The following CHN1 variants were observed in gnomAD, a reference collection of about 807,000 sequenced individuals.
CHN1 encodes N-chimaerin.
A neutral mutation model predicts 59.5 loss-of-function variants in CHN1; 37 were observed. That is an observed-to-expected ratio of 0.62 (90% CI 0.48 to 0.82). The LOEUF is 0.82. CHN1 is among the 40% of genes least tolerant of loss of function. The probability of loss-of-function intolerance (pLI) is 0.00; values close to 1 mark genes in which losing one functional copy is unlikely to be tolerated. For missense variants in CHN1, 469 were observed against 571.0 expected (o/e 0.82, Z 1.82); for synonymous variants, 206 against 200.4 (o/e 1.03, Z -0.24).
intron 2 of CHN1, chr2:174,945,187 C>A (rs1413065549): frequency 1.2e-5 from 6 of 505,418 alleles, no homozygotes; most frequent in Non-Finnish European, 2.2e-5. Flanking sequence ...CAAGTCAGTG[C>A]TGGATATTTG....
At chr2:174,846,441 T>C (rs1574083273) in intron 7 of CHN1, 1 of 1,529,998 alleles carries the variant, frequency 6.5e-7, no homozygotes, top group Non-Finnish European at 8.8e-7. Context: ...ACAGAAACTA[T>C]GAGAAATGCA....
rs138014182 is a variant in CHN1 at position 174,903,263 on chromosome 2, T to C, written c.260+11795A>G. ...ACATGATCTTAAACTACCAATTAGC[T>C]AAAACTAAATACACAAGGTAATGAT... is the stretch of plus-strand genomic sequence containing the variant. On this transcript the variant is annotated intron_variant, in intron 5 of 12. Coordinates refer to ENST00000409900, the MANE Select transcript of CHN1 (RefSeq NM_001822.7). Among the ~76,000 whole-genome samples the C allele has an allele frequency of 4.3e-3, 650 of 152,272 alleles. 2 individuals are homozygous for C. Among genetic ancestry groups the C allele is most frequent in the African/African-American group, 0.015 (616 of 41,562 alleles).
chr2:174,977,283 A>G (rs1690977551), intron 1 of CHN1, among the ~76,000 whole-genome samples: 1 of 152,166 alleles, frequency 6.6e-6, no homozygotes, highest in Non-Finnish European at 1.5e-5. Flanking sequence ...TCATCATCTG[A>G]TAATCTATAT....
At chr2:174,980,445 C>T (rs1691108006) in intron 1 of CHN1, among the ~76,000 whole-genome samples, 1 of 152,064 alleles carries the variant, frequency 6.6e-6, no homozygotes. Context: ...TACCCAGAGT[C>T]CTGTTTATAC....
At chr2:174,847,750 G>T (rs2105437169) in intron 6 of CHN1, 10 of 427,200 alleles carry the variant, frequency 2.3e-5, no homozygotes, top group Non-Finnish European at 4.0e-5. Context: ...TCTCATGTAA[G>T]TAAGTTTCTT....
intron 3 of CHN1, among the ~76,000 whole-genome samples, chr2:174,942,952 G>C (rs977114808): frequency 6.6e-6 from 1 of 151,996 alleles, no homozygotes; most frequent in African/African-American, 2.4e-5. Flanking sequence ...TTGGGAGGCA[G>C]AGGTAGGAGT....
intron 1 of CHN1, among the ~76,000 whole-genome samples, chr2:174,985,443 T>A (rs1559010622): frequency 6.6e-6 from 1 of 152,186 alleles, no homozygotes; most frequent in Non-Finnish European, 1.5e-5. Flanking sequence ...TAATTAAAAA[T>A]TACATAATAT....
chr2:175,000,443 T>G (rs893310854), intron 1 of CHN1, among the ~76,000 whole-genome samples: 4 of 152,008 alleles, frequency 2.6e-5, no homozygotes, highest in African/African-American at 9.7e-5. Context: ...TGGCCTGATT[T>G]TTTTTGTTTG....
chr2:174,842,762 T>A (rs531245930), intron 7 of CHN1, among the ~76,000 whole-genome samples: 90 of 152,324 alleles, frequency 5.9e-4, no homozygotes, highest in Non-Finnish European at 1.1e-3. Context: ...CTCTTTTTCC[T>A]AGTAGGTCTT....
chr2:174,980,126 T>C (rs1459067021), intron 1 of CHN1, among the ~76,000 whole-genome samples: 3 of 152,098 alleles, frequency 2.0e-5, no homozygotes, highest in Non-Finnish European at 2.9e-5. Flanking sequence ...CAAGTCTAAG[T>C]GAACAATAAA....
At chr2:174,907,072 A>G (rs564987948) in intron 5 of CHN1, among the ~76,000 whole-genome samples, 5 of 152,300 alleles carry the variant, frequency 3.3e-5, no homozygotes, top group Admixed American at 1.3e-4. Flanking sequence ...CTCAGCCTAT[A>G]TATTTTAAGT....
At chr2:174,963,704 C>T (rs762619449) in intron 1 of CHN1, among the ~76,000 whole-genome samples, 1 of 152,180 alleles carries the variant, frequency 6.6e-6, no homozygotes, top group Non-Finnish European at 1.5e-5. Context: ...AAATACTCAG[C>T]TATTTGAGGA....
intron 1 of CHN1, among the ~76,000 whole-genome samples, chr2:174,982,382 C>T (rs527342351): frequency 1.3e-5 from 2 of 152,256 alleles, no homozygotes; most frequent in East Asian, 3.9e-4. Flanking sequence ...CACTGACTTC[C>T]ACAGTGGTTG....
intron 11 of CHN1, among the ~76,000 whole-genome samples, chr2:174,807,442 CTATCTGTGTGTGTGTGTGTGTG>C (rs1393453897): frequency 7.9e-5 from 9 of 114,196 alleles, no homozygotes; most frequent in South Asian, 3.0e-4. Flanking sequence ...TTTTCACGGG[CTATCTGTGTGTGTGTGTGTGTG>C]TGTGTGTGTG....
intron 8 of CHN1, among the ~76,000 whole-genome samples, chr2:174,817,787 G>A (rs551371752): frequency 6.6e-5 from 10 of 152,106 alleles, no homozygotes; most frequent in South Asian, 4.2e-4. Flanking sequence ...ACAGGCGCCC[G>A]CCACCACGCC....
At chr2:174,965,256 G>T (rs1254082677) in intron 1 of CHN1, among the ~76,000 whole-genome samples, 1 of 151,954 alleles carries the variant, frequency 6.6e-6, no homozygotes, top group Non-Finnish European at 1.5e-5. Flanking sequence ...TATAGAAGTT[G>T]TTAAAAATGA....
intron 1 of CHN1, among the ~76,000 whole-genome samples, chr2:174,966,665 GGTCATT>G (rs1169400922): frequency 6.6e-6 from 1 of 152,152 alleles, no homozygotes; most frequent in East Asian, 1.9e-4. Flanking sequence ...ACAGGAAATG[GGTCATT>G]TAACTCAATC....
chr2:174,844,622 G>A lies in CHN1; in HGVS notation c.627+2258C>T, dbSNP rs1342131402. On this transcript the variant is annotated intron_variant, in intron 7 of 12. Coordinates refer to ENST00000409900, the MANE Select transcript of CHN1 (RefSeq NM_001822.7). ...TTCTGAACTGTACATACATAGATGT[G>A]TATATCACAATCAGTGACCTTCTAA... is the stretch of plus-strand genomic sequence containing the variant. Among the ~76,000 whole-genome samples, 3 of 152,184 alleles carry A rather than the reference G, an allele frequency of 2.0e-5. No homozygotes were observed. The East Asian group carries it at 5.8e-4, about 29-fold the overall frequency.
intron 5 of CHN1, among the ~76,000 whole-genome samples, chr2:174,906,389 C>T (rs1031492762): frequency 5.3e-5 from 8 of 152,170 alleles, no homozygotes; most frequent in Non-Finnish European, 1.0e-4. Flanking sequence ...TATGAAATGT[C>T]TAGGTTGTTT....
Sources: gnomAD v4.1 joint callset for allele counts (sites outside exome capture counted in the v4.1 genomes callset) on GRCh38, gnomAD v4.1.1 for gene constraint, MANE v1.5 for transcripts, NCBI Gene and HGNC (gene_info 2026-07-23, HGNC 2026-07-21) for gene names.